The following LRRTM4 variants were observed in gnomAD, a reference collection of about 807,000 sequenced individuals.
LRRTM4 encodes leucine-rich repeat transmembrane neuronal protein 4.
In LRRTM4, 25 loss-of-function variants were observed where a neutral mutation model predicts 47.6. That is an observed-to-expected ratio of 0.53 (90% CI 0.38 to 0.73). The LOEUF (loss-of-function observed/expected upper bound fraction) is 0.73, where lower values mean the gene tolerates loss of function less well. Ranked by LOEUF, LRRTM4 falls within the 30% of genes least tolerant of loss-of-function variation. LRRTM4 has a pLI of 0.00. For missense variants in LRRTM4, 638 were observed against 713.4 expected (o/e 0.89, Z 1.20); for synonymous variants, 311 against 269.5 (o/e 1.15, Z -1.51).
intron 3 of LRRTM4, among the ~76,000 whole-genome samples, chr2:76,876,393 A>C (rs1672780365): frequency 6.6e-6 from 1 of 152,114 alleles, no homozygotes; most frequent in South Asian, 2.1e-4. Flanking sequence ...GCTAGTTTTA[A>C]AACCTGGCAA....
intron 3 of LRRTM4, among the ~76,000 whole-genome samples, chr2:77,103,796 T>C (rs34356658): frequency 0.39 from 59,447 of 151,272 alleles, 13,424 homozygotes; most frequent in East Asian, 0.68. Context: ...ATAAATACAG[T>C]GGAGCCAGTA....
At chr2:77,088,792 C>T (rs1268740321) in intron 3 of LRRTM4, among the ~76,000 whole-genome samples, 3 of 152,148 alleles carry the variant, frequency 2.0e-5, no homozygotes, top group Non-Finnish European at 2.9e-5. Flanking sequence ...GACCCACCAG[C>T]CCAAGAAACA....
At chr2:76,825,126 T>C (rs1354102258) in intron 3 of LRRTM4, among the ~76,000 whole-genome samples, 1 of 151,616 alleles carries the variant, frequency 6.6e-6, no homozygotes, top group Non-Finnish European at 1.5e-5. Flanking sequence ...GGGTAAAATA[T>C]TTTCATTTAA....
chr2:77,398,326 C>T (rs760582616), intron 3 of LRRTM4, among the ~76,000 whole-genome samples: 2 of 151,858 alleles, frequency 1.3e-5, no homozygotes, highest in African/African-American at 2.4e-5. Flanking sequence ...GGACCAGATA[C>T]GTTTAGGATT....
intron 3 of LRRTM4, among the ~76,000 whole-genome samples, chr2:76,786,615 C>T (rs1674688186): frequency 6.6e-6 from 1 of 152,014 alleles, no homozygotes; most frequent in Non-Finnish European, 1.5e-5. Context: ...AAGCTAAGAG[C>T]AGAGAGGTAA....
chr2:77,509,547 C>T (rs550378097), intron 3 of LRRTM4, among the ~76,000 whole-genome samples: 4 of 152,194 alleles, frequency 2.6e-5, no homozygotes, highest in African/African-American at 9.6e-5. Context: ...AATGTAACCA[C>T]AACACGTGTT....
At chr2:77,043,117 TTC>T (rs1415433115) in intron 3 of LRRTM4, among the ~76,000 whole-genome samples, 2 of 151,786 alleles carry the variant, frequency 1.3e-5, no homozygotes, top group African/African-American at 4.8e-5. Flanking sequence ...CTAACTGATT[TTC>T]TCTTTCTTTC....
intron 3 of LRRTM4, among the ~76,000 whole-genome samples, chr2:76,912,095 A>G (rs1674086338): frequency 6.6e-6 from 1 of 151,876 alleles, no homozygotes; most frequent in Non-Finnish European, 1.5e-5. Context: ...TAATTTTTGT[A>G]TTTTTAGTAG....
intron 3 of LRRTM4, among the ~76,000 whole-genome samples, chr2:77,469,210 A>G (rs1182909316): frequency 6.6e-6 from 1 of 152,194 alleles, no homozygotes; most frequent in African/African-American, 2.4e-5. Context: ...GGTGATCTCT[A>G]ATAACTGCAG....
At chr2:76,978,956 A>G (rs1676507275) in intron 3 of LRRTM4, among the ~76,000 whole-genome samples, 1 of 151,990 alleles carries the variant, frequency 6.6e-6, no homozygotes, top group South Asian at 2.1e-4. Flanking sequence ...GCCAGGAGAC[A>G]ACCTTAAAGT....
intron 3 of LRRTM4, among the ~76,000 whole-genome samples, chr2:77,089,856 A>G (rs62170958): frequency 0.18 from 27,062 of 151,864 alleles, 2,311 homozygotes; most frequent in Middle Eastern, 0.23. Context: ...GTCGTAAAAT[A>G]GGCAAACGGT....
In LRRTM4 at chr2:76,816,819, G is replaced by GTTTTTTTT. The variant is rs201525166; in HGVS notation, c.1552-67911_1552-67904dup. On this transcript the variant is annotated intron_variant, in intron 3 of 3. Coordinates refer to ENST00000409884, the MANE Select transcript of LRRTM4 (RefSeq NM_001134745.3). ...CACTGCTTTTACTTAGAGGTAAAGA[G>GTTTTTTTT]TTTTTTTTTTTTTTTTTTTTTTTTT... Among the ~76,000 whole-genome samples, 79 of 96,502 alleles carry GTTTTTTTT rather than the reference G, an allele frequency of 8.2e-4. 3 individuals are homozygous for GTTTTTTTT. The highest frequency in any genetic ancestry group is 1.2e-3 in the Non-Finnish European group (49 of 39,872). The allele number at this position is 96,502 out of a possible 152,430, so 63.3% of individuals were successfully genotyped here.
chr2:77,404,799 C>A (rs944379740), intron 3 of LRRTM4, among the ~76,000 whole-genome samples: 1 of 152,044 alleles, frequency 6.6e-6, no homozygotes, highest in Admixed American at 6.6e-5. Flanking sequence ...GCCTATATCA[C>A]AGGAGTGGTG....
chr2:76,997,043 T>C (rs2104010449), intron 3 of LRRTM4, among the ~76,000 whole-genome samples: 1 of 152,194 alleles, frequency 6.6e-6, no homozygotes, highest in East Asian at 1.9e-4. Context: ...TCAAGTGATT[T>C]TGAGTATTTA....
At chr2:77,173,229 T>C (rs1305069140) in intron 3 of LRRTM4, among the ~76,000 whole-genome samples, 1 of 152,216 alleles carries the variant, frequency 6.6e-6, no homozygotes, top group Non-Finnish European at 1.5e-5. Context: ...TTCATTTTCT[T>C]TGGTCAGATC....
chr2:76,748,962 G>C, intron 3 of LRRTM4, 46 bp from the exon 4 acceptor site: 1 of 1,501,458 alleles, frequency 6.7e-7, no homozygotes, highest in Non-Finnish European at 9.2e-7. Context: ...AAATTGCTTT[G>C]GAAAGATAGG....
intron 3 of LRRTM4, among the ~76,000 whole-genome samples, chr2:77,139,652 G>C (rs1020503162): frequency 1.3e-5 from 2 of 151,860 alleles, no homozygotes; most frequent in African/African-American, 2.4e-5. Flanking sequence ...AGAAATAAAG[G>C]GTATAAAATT....
chr2:77,156,412 C>T (rs985500403), intron 3 of LRRTM4, among the ~76,000 whole-genome samples: 1 of 150,034 alleles, frequency 6.7e-6, no homozygotes, highest in Non-Finnish European at 1.5e-5. Context: ...TAAGATTCAT[C>T]CACAGGAAAA....
chr2:76,849,790 A>G (rs1410566024), intron 3 of LRRTM4, among the ~76,000 whole-genome samples: 1 of 152,152 alleles, frequency 6.6e-6, no homozygotes, highest in East Asian at 1.9e-4. Context: ...CATAGTATTT[A>G]ATATAATAGT....
Sources: allele counts gnomAD v4.1 joint callset (sites outside exome capture counted in the v4.1 genomes callset), GRCh38; gene constraint gnomAD v4.1.1; transcripts MANE v1.5; gene names NCBI Gene and HGNC (gene_info 2026-07-23, HGNC 2026-07-21).